TAFA1: variants seen among roughly 807,000 people sequenced by gnomAD.
TAFA1 encodes the protein TAFA chemokine like family member 1.
In TAFA1, 4 loss-of-function variants were observed where a neutral mutation model predicts 18.5. The ratio of observed to expected loss-of-function variants is 0.22; its 90% CI spans 0.11 to 0.49. The LOEUF (loss-of-function observed/expected upper bound fraction) is 0.49, where lower values mean the gene tolerates loss of function less well. Ranked by LOEUF, TAFA1 falls within the 20% of genes least tolerant of loss-of-function variation. TAFA1 has a pLI of 0.98. For synonymous variants in TAFA1, 56 were observed against 55.2 expected, an observed-to-expected ratio of 1.01 and a Z score of -0.06; for missense variants, 147 against 169.0, an observed-to-expected ratio of 0.87 and a Z score of 0.72.
intron 2 of TAFA1, among the ~76,000 whole-genome samples, chr3:68,404,323 C>T (rs933324577): frequency 6.6e-6 from 1 of 152,194 alleles, no homozygotes; most frequent in Admixed American, 6.5e-5. Context: ...GTAGAGACAA[C>T]TTCTTCACAA....
chr3:68,499,974 C>G (rs1009907962), intron 3 of TAFA1, among the ~76,000 whole-genome samples: 1 of 151,376 alleles, frequency 6.6e-6, no homozygotes, highest in East Asian at 1.9e-4. Context: ...CGATAATAAA[C>G]CACAGGTTTT....
chr3:68,091,398 C>T (rs1400219547), intron 2 of TAFA1, among the ~76,000 whole-genome samples: 1 of 152,072 alleles, frequency 6.6e-6, no homozygotes, highest in Non-Finnish European at 1.5e-5. Flanking sequence ...GACTTTCTAT[C>T]CATTCTCACT....
At chr3:68,505,276 A>C (rs988527596) in intron 3 of TAFA1, among the ~76,000 whole-genome samples, 3 of 152,176 alleles carry the variant, frequency 2.0e-5, no homozygotes, top group Non-Finnish European at 4.4e-5. Context: ...TGCAAGCTGT[A>C]TTCTTCCAAA....
chr3:68,386,852 A>G (rs1370491928), intron 2 of TAFA1, among the ~76,000 whole-genome samples: 3 of 152,070 alleles, frequency 2.0e-5, no homozygotes, highest in Non-Finnish European at 2.9e-5. Flanking sequence ...TTTGAAATAT[A>G]TTATATGCAT....
At chr3:68,348,458 T>C (rs1302861114) in intron 2 of TAFA1, among the ~76,000 whole-genome samples, 2 of 152,126 alleles carry the variant, frequency 1.3e-5, no homozygotes, top group Non-Finnish European at 2.9e-5. Context: ...GCTTATTTCG[T>C]CTTACTCATA....
chr3:68,432,178 A>C (rs939673810), intron 3 of TAFA1, among the ~76,000 whole-genome samples: 1 of 151,866 alleles, frequency 6.6e-6, no homozygotes, highest in Admixed American at 6.6e-5. Context: ...TAAACTAGGG[A>C]AAAGGGGAGG....
At chr3:68,163,158 T>C (rs1379230722) in intron 2 of TAFA1, among the ~76,000 whole-genome samples, 5 of 152,230 alleles carry the variant, frequency 3.3e-5, no homozygotes, top group Non-Finnish European at 7.3e-5. Flanking sequence ...CGTAATCTTC[T>C]GAAGGACTAC....
intron 2 of TAFA1, among the ~76,000 whole-genome samples, chr3:68,205,902 G>A (rs2066520882): frequency 1.3e-5 from 2 of 151,822 alleles, no homozygotes; most frequent in South Asian, 2.1e-4. Context: ...TTCAGGAGAT[G>A]TGCAAAAATA....
intron 2 of TAFA1, among the ~76,000 whole-genome samples, chr3:68,143,669 A>G (rs6549020): frequency 0.54 from 81,647 of 151,922 alleles, 23,064 homozygotes; most frequent in South Asian, 0.65. Flanking sequence ...TTGGGTGGGG[A>G]AGAGAGTGGG....
At chr3:68,386,004 G>A (rs951922495) in intron 2 of TAFA1, among the ~76,000 whole-genome samples, 1 of 152,006 alleles carries the variant, frequency 6.6e-6, no homozygotes, top group African/African-American at 2.4e-5. Flanking sequence ...ATCCTACAGT[G>A]CTAAAAGTTG....
chr3:68,263,822 G>A (rs191863013), intron 2 of TAFA1, among the ~76,000 whole-genome samples: 1 of 152,136 alleles, frequency 6.6e-6, no homozygotes, highest in East Asian at 1.9e-4. Flanking sequence ...GTGTATCCAA[G>A]CACACAAGGT....
At chr3:68,316,371 C>G (rs1387487717) in intron 2 of TAFA1, among the ~76,000 whole-genome samples, 1 of 152,034 alleles carries the variant, frequency 6.6e-6, no homozygotes, top group Non-Finnish European at 1.5e-5. Flanking sequence ...AGGATATACC[C>G]TCAGGTAAAA....
intron 2 of TAFA1, among the ~76,000 whole-genome samples, chr3:68,402,932 G>A (rs935164368): frequency 6.6e-6 from 1 of 152,184 alleles, no homozygotes; most frequent in African/African-American, 2.4e-5. Context: ...CTCTTTTGCT[G>A]TCATCATCTT....
intron 3 of TAFA1, among the ~76,000 whole-genome samples, chr3:68,490,097 T>G (rs559426978): frequency 6.6e-6 from 1 of 152,360 alleles, no homozygotes; most frequent in East Asian, 1.9e-4. Flanking sequence ...ATTCAAATTT[T>G]GGGAAATTTT....
intron 2 of TAFA1, among the ~76,000 whole-genome samples, chr3:68,230,755 C>T (rs1288081603): frequency 6.6e-6 from 1 of 152,150 alleles, no homozygotes; most frequent in Non-Finnish European, 1.5e-5. Flanking sequence ...ATGAGGGTTC[C>T]TCTTTCTCCA....
At chr3:68,372,278 G>A (rs2069722665) in intron 2 of TAFA1, among the ~76,000 whole-genome samples, 1 of 152,196 alleles carries the variant, frequency 6.6e-6, no homozygotes, top group Non-Finnish European at 1.5e-5. Context: ...AGGAATCTCT[G>A]AAGAACATAG....
At chr3:68,393,810 A>C (rs1369347417) in intron 2 of TAFA1, among the ~76,000 whole-genome samples, 2 of 152,212 alleles carry the variant, frequency 1.3e-5, no homozygotes, top group African/African-American at 2.4e-5. Context: ...ATAAAATTCA[A>C]CACCCCTTCA....
chr3:68,192,878 T>C (rs1445352355), intron 2 of TAFA1, among the ~76,000 whole-genome samples: 2 of 151,656 alleles, frequency 1.3e-5, no homozygotes, highest in Non-Finnish European at 2.9e-5. Flanking sequence ...TACTCAGGAA[T>C]GGAAGAGGCT....
chr3:68,233,034 G>A (rs768668185), intron 2 of TAFA1, among the ~76,000 whole-genome samples: 3 of 151,926 alleles, frequency 2.0e-5, no homozygotes, highest in Non-Finnish European at 4.4e-5. Context: ...TTGTCTTTTT[G>A]ATAGTAGCTG....
Sources: gnomAD v4.1 joint callset for allele counts (sites outside exome capture counted in the v4.1 genomes callset) on GRCh38, gnomAD v4.1.1 for gene constraint, MANE v1.5 for transcripts, NCBI Gene and HGNC (gene_info 2026-07-23, HGNC 2026-07-21) for gene names.